TAP1: variants seen among roughly 807,000 people sequenced by gnomAD.
TAP1 encodes the protein transporter 1, ATP binding cassette subfamily B member.
Under a neutral mutation model 79.3 loss-of-function variants are expected in TAP1, and 56 were observed. That is an observed-to-expected ratio of 0.71 (90% CI 0.57 to 0.88). The LOEUF (loss-of-function observed/expected upper bound fraction) is 0.88. Ranked by LOEUF, TAP1 falls within the 40% of genes least tolerant of loss-of-function variation. The pLI is 0.00. For missense variants in TAP1, 737 were observed against 936.3 expected, an observed-to-expected ratio of 0.79 and a Z score of 2.78; for synonymous variants, 355 against 401.4, an observed-to-expected ratio of 0.88 and a Z score of 1.38.
chr6:32,852,926 T>C lies in TAP1; in HGVS notation c.598+113A>G. ...GTTCCAAGACCCACGCTAGGAGTCC[T>C]TCTCCTGCTCCACATTTCCCAGAAC... On this transcript the variant is annotated intron_variant, in intron 1 of 10. Coordinates refer to ENST00000354258, the MANE Select transcript of TAP1 (RefSeq NM_000593.6). This position sits in a 1 kb window ranked among gnomAD's most constrained non-coding sequence, Gnocchi z 4.8. 3 of 1,490,300 alleles carry C rather than the reference T, an allele frequency of 2.0e-6. No individual in the cohort carries two copies. The highest frequency in any genetic ancestry group is 4.9e-5 in the East Asian group (2 of 40,470). The allele number at this position is 1,490,300 out of a possible 1,614,324, so 92.3% of individuals were successfully genotyped here.
At chr6:32,849,322 A>G in intron 5 of TAP1, 1 of 645,990 alleles carries the variant, frequency 1.5e-6, no homozygotes, top group Non-Finnish European at 2.7e-6. Flanking sequence ...TATCTTCACC[A>G]CCATCACCAC....
At position 32,852,579 on chromosome 6, in the gene TAP1, G is replaced by A. The variant is rs999430231; in HGVS notation, c.599-77C>T. ...GTTCCAGTCAGACTGGCCCCACCACGCCTCCTCCCCCTCACCATTATCCTG... is the reference window on the plus strand; with the variant it reads ...GTTCCAGTCAGACTGGCCCCACCACACCTCCTCCCCCTCACCATTATCCTG... On this transcript the variant is annotated intron_variant, in intron 1 of 10. Transcript: ENST00000354258. This position sits in a 1 kb window ranked among gnomAD's most constrained non-coding sequence, Gnocchi z 4.8. The A allele has an allele frequency of 3.2e-6, 5 of 1,586,204 alleles. No homozygotes were observed. In the South Asian group the frequency reaches 4.5e-5, roughly 14 times the overall value.
intron 6 of TAP1, 43 bp from the exon 7 acceptor site, chr6:32,848,883 C>A (rs1316475535): frequency 5.0e-6 from 8 of 1,612,856 alleles, no homozygotes; most frequent in African/African-American, 1.3e-5. Context: ...AGTCTGCTTG[C>A]CAGCATTATG....
chr6:32,850,606 G>T lies in TAP1; in HGVS notation c.1051-89C>A. 1 of 1,172,512 alleles carries T rather than the reference G, an allele frequency of 8.5e-7. No homozygotes were observed. Among genetic ancestry groups the T allele is most frequent in the South Asian group, 1.3e-5 (1 of 79,852 alleles). 72.6% of individuals were successfully genotyped at this position (1,172,512 alleles called of 1,614,324 possible). ...AGTTACCTATTTGGAAATTAAAGGT[G>T]AGAAGAGACAGAGGAAAAGGAGAAA... On this transcript the variant is annotated intron_variant, in intron 4 of 10. Coordinates refer to ENST00000354258, the MANE Select transcript of TAP1 (RefSeq NM_000593.6). This position sits in a 1 kb window ranked among gnomAD's most constrained non-coding sequence, Gnocchi z 5.5.
rs1770872920 is a variant in TAP1 at position 32,852,776 on chromosome 6, C to T, written c.598+263G>A. 3.5e-6 allele frequency: 5 copies of T among 1,440,794 alleles called. No individual in the cohort carries two copies. The highest frequency in any genetic ancestry group is 4.5e-6 in the Non-Finnish European group (5 of 1,105,292). The allele number at this position is 1,440,794 out of a possible 1,614,324, so 89.3% of individuals were successfully genotyped here. ...TTAGAGATGAGGATGCCCCGCCCTT[C>T]GGCCCCAGAGCAAAGGATTTCCCCG... On this transcript the variant is annotated intron_variant, in intron 1 of 10. Transcript: ENST00000354258. The surrounding 1 kb of genome is among the most constrained non-coding windows in gnomAD (Gnocchi z 4.8).
chr6:32,848,681 G>A lies in TAP1; in HGVS notation c.1537C>T (p.Pro513Ser). ...AGCACTAAGACATCTGGGCGGTTTG[G>A]GTAGGCAAAGGAGACATCTTGGAAC... ...VQFQDVSFAY[P>S]NRPDVLVLQG... The change falls in exon 7 of 11, where the codon CCA (proline) becomes TCA (serine). Residue 513 changes from proline to serine, a missense_variant. By Grantham distance (74) the Pro-to-Ser change is moderately conservative. Around this residue, in one of 5 missense-constraint regions of TAP1, gnomAD observed 266 missense variants for 332.4 expected, o/e 0.80. Transcript: ENST00000354258. 1 of 1,614,066 alleles carries A rather than the reference G, an allele frequency of 6.2e-7. No individual in the cohort carries two copies. The highest frequency in any genetic ancestry group is 1.3e-5 in the African/African-American group (1 of 74,992).
chr6:32,847,321 A>G lies in TAP1; in HGVS notation c.1904-117T>C. The G allele has an allele frequency of 6.5e-7, 1 of 1,536,174 alleles. No individual in the cohort carries two copies. Among genetic ancestry groups the G allele is most frequent in the Middle Eastern group, 2.1e-4 (1 of 4,662 alleles). On this transcript the variant is annotated intron_variant, in intron 9 of 10. Transcript: ENST00000354258. This position sits in a 1 kb window ranked among gnomAD's most constrained non-coding sequence, Gnocchi z 4.7. ...ACACACACCAAGATCTGACGGTTGT[A>G]GCTGGATAGGGGAGATTCTGGGAAG...
rs1770960732 is a variant in TAP1, at chr6:32,853,663, G to A, written c.-27C>T. ...GGCACTCGGACGCCGTCCCGGTCCC[G>A]GCCGGGCCTGGGACTCTCCGCGCCC... On this transcript the variant is annotated 5_prime_UTR_variant, in exon 1 of 11. Coordinates refer to ENST00000354258, the MANE Select transcript of TAP1 (RefSeq NM_000593.6). The surrounding 1 kb of genome is among the most constrained non-coding windows in gnomAD (Gnocchi z 8.3). 1.3e-6 allele frequency: 2 copies of A among 1,598,048 alleles called. No individual in the cohort carries two copies. The highest frequency in any genetic ancestry group is 1.7e-6 in the Non-Finnish European group (2 of 1,174,286).
At position 32,847,633 on chromosome 6, in the gene TAP1, G is replaced by A; in HGVS notation, c.1783C>T (p.Leu595Phe). 1 of 1,614,010 alleles carries A rather than the reference G, an allele frequency of 6.2e-7. No homozygotes were observed. The highest frequency in any genetic ancestry group is 8.5e-7 in the Non-Finnish European group (1 of 1,180,032). The stretch of plus-strand genomic sequence containing the variant: ...AGGCCATAGGCAATATTTTCTTGAA[G>A]ACTTCTTCCAAATACCTGTGGCTCT... ...GQEPQVFGRS[L>F]QENIAYGLTQ... Residue 595 changes from leucine to phenylalanine, a missense_variant, in exon 9 of 11, where the codon CTT becomes TTT. Around this residue, in one of 5 missense-constraint regions of TAP1, gnomAD observed 266 missense variants for 332.4 expected, o/e 0.80. Transcript: ENST00000354258. This position sits in a 1 kb window ranked among gnomAD's most constrained non-coding sequence, Gnocchi z 4.7.
In TAP1 at chr6:32,851,051, A is replaced by G; in HGVS notation, c.943T>C (p.Cys315Arg). Residue 315 changes from cysteine to arginine, a missense_variant, in exon 4 of 11, where the codon TGT (cysteine) becomes CGT (arginine). This residue lies in a region of TAP1 where 406 missense variants were observed against 477.2 expected (regional missense o/e 0.85). Coordinates refer to ENST00000354258, the MANE Select transcript of TAP1 (RefSeq NM_000593.6). This position sits in a 1 kb window ranked among gnomAD's most constrained non-coding sequence, Gnocchi z 4.8. The part of the protein sequence containing the change: ...LFLWYLVRGL[C>R]LLGIMLWGSV... ...CCCCAGAGCATGATCCCCAAGAGACATAGGCCTCGCACCAGGTACCACAGA... is the reference window on the plus strand; with the variant it reads ...CCCCAGAGCATGATCCCCAAGAGACGTAGGCCTCGCACCAGGTACCACAGA... 6.2e-7 allele frequency: 1 copy of G among 1,613,058 alleles called. No homozygotes were observed. Among genetic ancestry groups the G allele is most frequent in the Non-Finnish European group, 8.5e-7 (1 of 1,180,024 alleles).
chr6:32,849,163 G>A (rs1309779197), intron 5 of TAP1, 45 bp from the exon 6 acceptor site: 2 of 1,556,964 alleles, frequency 1.3e-6, no homozygotes, highest in Non-Finnish European at 1.7e-6. Context: ...GAGAAATCTG[G>A]AGGGGACACA....
Position 32,852,713 on chromosome 6 carries a change from T to C in TAP1, c.599-211A>G. On this transcript the variant is annotated intron_variant, in intron 1 of 10. Transcript: ENST00000354258. The surrounding 1 kb of genome is among the most constrained non-coding windows in gnomAD (Gnocchi z 4.8). ...TCTACCAGAACTTTCAGGATTTTAT[T>C]AGGAAGGCTGGAGATCATGAAGTAG... 1 of 1,460,900 alleles carries C rather than the reference T, an allele frequency of 6.8e-7. No homozygotes were observed. 90.5% of individuals were successfully genotyped at this position (1,460,900 alleles called of 1,614,324 possible). A position where few individuals can be genotyped will look rare whatever the true frequency, so the allele number is the denominator to read the frequency against.
rs1381822523 is a variant in TAP1, at chr6:32,853,357, C to T, written c.280G>A (p.Ala94Thr). 6.3e-7 allele frequency: 1 copy of T among 1,589,786 alleles called. No individual in the cohort carries two copies. The highest frequency in any genetic ancestry group is 1.8e-5 in the Admixed American group (1 of 55,988). ...SENAGAQGWL[A>T]ALKPLAAALG... is the part of the protein sequence containing the mutation. ...GCCGCAGCTAATGGCTTCAAAGCAG[C>T]CAGCCAGCCCTGGGCACCTGCGTTT... The change falls in exon 1 of 11, where the codon GCT becomes ACT. Residue 94 changes from alanine to threonine, a missense_variant. Ala to Thr is a moderately conservative substitution (Grantham distance 58). Around this residue, in one of 5 missense-constraint regions of TAP1, gnomAD observed 406 missense variants for 477.2 expected, o/e 0.85. Transcript: ENST00000354258. The surrounding 1 kb of genome is among the most constrained non-coding windows in gnomAD (Gnocchi z 8.3).
At chr6:32,849,318 C>CA in intron 5 of TAP1, 200 bp from the exon 6 acceptor site, 1 of 646,528 alleles carries the variant, frequency 1.5e-6, no homozygotes, top group Non-Finnish European at 2.7e-6. Context: ...CAGTTATCTT[C>CA]ACCACCATCA....
Position 32,851,253 on chromosome 6 carries a change from G to A in TAP1, c.845-104C>T. On this transcript the variant is annotated intron_variant, in intron 3 of 10. Coordinates refer to ENST00000354258, the MANE Select transcript of TAP1 (RefSeq NM_000593.6). This position sits in a 1 kb window ranked among gnomAD's most constrained non-coding sequence, Gnocchi z 4.8. ...GCCAGGGTCAGGGGTGTCAACATGG[G>A]GTTCTAAGGAGGCTGCAGGAAACAA... is the stretch of plus-strand genomic sequence containing the variant. 8.8e-7 allele frequency: 1 copy of A among 1,132,432 alleles called. No homozygotes were observed. Among genetic ancestry groups the A allele is most frequent in the South Asian group, 1.3e-5 (1 of 76,096 alleles). The allele number at this position is 1,132,432 out of a possible 1,614,324, so 70.1% of individuals were successfully genotyped here. A position where few individuals can be genotyped will look rare whatever the true frequency, so the allele number is the denominator to read the frequency against.
In TAP1 at chr6:32,853,270, CG is replaced by C; in HGVS notation, c.366del (p.Ser124ProfsTer54). 1 of 1,589,482 alleles carries C rather than the reference CG, an allele frequency of 6.3e-7. No homozygotes were observed. Reference protein sequence around the residue: ...LFRELISWGAPGSADSTRLLH... With the variant: ...LFRELISWGAXGSADSTRLLH... ...AGTAGCCTGGTGCTATCCGCGGACCCGGGGGCTCCCCATGAGATCAGCTCTC... is the reference window on the plus strand; with the variant it reads ...AGTAGCCTGGTGCTATCCGCGGACCCGGGGCTCCCCATGAGATCAGCTCTC... On this transcript the variant is annotated frameshift_variant, in exon 1 of 11. Coordinates refer to ENST00000354258, the MANE Select transcript of TAP1 (RefSeq NM_000593.6). LOFTEE classifies it high-confidence loss of function. The surrounding 1 kb of genome is among the most constrained non-coding windows in gnomAD (Gnocchi z 8.3).
At position 32,850,435 on chromosome 6, in the gene TAP1, C is replaced by T. The variant is rs373810087; in HGVS notation, c.1133G>A (p.Arg378Gln). ...IEALSAMPTVRSFANEEGEAQ... is the reference protein window; with the variant it reads ...IEALSAMPTVQSFANEEGEAQ... ...TTCGCCCTCCTCGTTGGCAAAGCTT[C>T]GAACTGTAGGCATGGCCGACAGAGC... Residue 378 changes from arginine (R) to glutamine (Q), a missense_variant, in exon 5 of 11, where the codon CGA (arginine) becomes CAA (glutamine). This residue lies in a region of TAP1 where 406 missense variants were observed against 477.2 expected (regional missense o/e 0.85). Coordinates refer to ENST00000354258, the MANE Select transcript of TAP1 (RefSeq NM_000593.6). This position sits in a 1 kb window ranked among gnomAD's most constrained non-coding sequence, Gnocchi z 5.5. 7.1e-5 allele frequency: 114 copies of T among 1,614,106 alleles called. No individual in the cohort carries two copies. Among genetic ancestry groups the T allele is most frequent in the East Asian group, 3.1e-4 (14 of 44,896 alleles).
Position 32,852,213 on chromosome 6 carries a change from C to T in TAP1, c.740G>A (p.Gly247Glu), listed in dbSNP as rs766402718. ...ASAVLEFVGDGIYNNTMGHVH... is the reference protein window; with the variant it reads ...ASAVLEFVGDEIYNNTMGHVH... ...GTGGCCCATGGTGTTGTTATAGATC[C>T]CGTCACCCACGAACTCCAGCACTGC... Residue 247 changes from glycine (G) to glutamate (E), a missense_variant, in exon 3 of 11, where the codon GGG becomes GAG. This residue lies in a region of TAP1 where 406 missense variants were observed against 477.2 expected (regional missense o/e 0.85). Coordinates refer to ENST00000354258, the MANE Select transcript of TAP1 (RefSeq NM_000593.6). The surrounding 1 kb of genome is among the most constrained non-coding windows in gnomAD (Gnocchi z 4.8). 2.5e-6 allele frequency: 4 copies of T among 1,612,950 alleles called. No homozygotes were observed. In the Admixed American group the frequency reaches 6.7e-5, roughly 27 times the overall value.
Position 32,845,589 on chromosome 6 carries a change from G to A in TAP1, c.2237C>T (p.Ala746Val). The A allele has an allele frequency of 6.2e-7, 1 of 1,613,054 alleles. No individual in the cohort carries two copies. Among genetic ancestry groups the A allele is most frequent in the Non-Finnish European group, 8.5e-7 (1 of 1,180,008 alleles). ...GGTCTGAGAAGGCTTTCATTCTGGA[G>A]CATCTGCAGGAGCCTGCACCATGGC... ...YWAMVQAPAD[A>V]PE is the part of the protein sequence containing the mutation. The change falls in exon 11 of 11, where the codon GCT (alanine) becomes GTT (valine). Residue 746 changes from alanine (A) to valine (V), a missense_variant. Ala to Val is a moderately conservative substitution (Grantham distance 64). Transcript: ENST00000354258. The surrounding 1 kb of genome is among the most constrained non-coding windows in gnomAD (Gnocchi z 4.5).
Sources: allele counts gnomAD v4.1 joint callset, GRCh38; gene constraint gnomAD v4.1.1; regional missense constraint gnomAD v4.1.1; non-coding constraint Gnocchi (gnomAD v3.1); transcripts MANE v1.5; gene names NCBI Gene and HGNC (gene_info 2026-07-23, HGNC 2026-07-21).